The following RAE1 variants were observed in gnomAD, a reference collection of about 807,000 sequenced individuals.
RAE1 encodes ribonucleic acid export 1.
A neutral mutation model predicts 52.7 loss-of-function variants in RAE1; 13 were observed. That is an observed-to-expected ratio of 0.25 (90% confidence interval 0.16 to 0.39). RAE1 has a LOEUF of 0.39. Ranked by LOEUF, RAE1 falls within the 10% of genes least tolerant of loss-of-function variation. The probability of loss-of-function intolerance (pLI) is 1.00; values close to 1 mark genes in which losing one functional copy is unlikely to be tolerated. For missense variants in RAE1, 262 were observed against 459.8 expected, an observed-to-expected ratio of 0.57 and a Z score of 3.93; for synonymous variants, 164 against 153.1, an observed-to-expected ratio of 1.07 and a Z score of -0.52.
At chr20:57,367,290 T>A (rs887894353) in intron 7 of RAE1, among the ~76,000 whole-genome samples, 1 of 152,074 alleles carries the variant, frequency 6.6e-6, no homozygotes, top group Non-Finnish European at 1.5e-5. Flanking sequence ...AAATGCTGGA[T>A]GTCAAGTTTT....
intron 8 of RAE1, chr20:57,371,594 C>T (rs1485486157): frequency 6.6e-6 from 1 of 152,110 alleles, no homozygotes; most frequent in Non-Finnish European, 1.5e-5. Context: ...AACATGGAAC[C>T]CTTGTGCACT....
In RAE1 at chr20:57,354,827, C is replaced by G; in HGVS notation, c.195+11C>G. 1.3e-6 allele frequency: 2 copies of G among 1,548,198 alleles called. No individual in the cohort carries two copies. Among genetic ancestry groups the G allele is most frequent in the Non-Finnish European group, 1.8e-6 (2 of 1,140,376 alleles). ...TCATGGGCTAATGATGTAAGTGCTCCTTAAATACGTGTTCTAGAAATCATC... is the reference window on the plus strand; with the variant it reads ...TCATGGGCTAATGATGTAAGTGCTCGTTAAATACGTGTTCTAGAAATCATC... On this transcript the variant is annotated intron_variant, in intron 3 of 11. Coordinates refer to ENST00000395841, the MANE Select transcript of RAE1 (RefSeq NM_003610.4).
At chr20:57,370,297 C>G (rs906844497) in intron 8 of RAE1, among the ~76,000 whole-genome samples, 1 of 152,236 alleles carries the variant, frequency 6.6e-6, no homozygotes, top group African/African-American at 2.4e-5. Context: ...GACACCCATC[C>G]TCTTACTGGA....
chr20:57,370,390 T>A (rs972389774), intron 8 of RAE1, among the ~76,000 whole-genome samples: 3 of 152,194 alleles, frequency 2.0e-5, no homozygotes, highest in African/African-American at 7.2e-5. Flanking sequence ...CCTCTGTGGC[T>A]CTTCTATCCT....
chr20:57,365,339 T>C lies in RAE1; in HGVS notation c.289-17T>C. The C allele has an allele frequency of 1.3e-6, 2 of 1,578,824 alleles. No individual in the cohort carries two copies. Among genetic ancestry groups the C allele is most frequent in the Non-Finnish European group, 1.7e-6 (2 of 1,153,234 alleles). ...TAATTTTTCTTAAAATGCAAAATTT[T>C]CTCCATTTTATTTTAGGATGGGAGC... On this transcript the variant is annotated splice_polypyrimidine_tract_variant and intron_variant, in intron 4 of 11. Coordinates refer to ENST00000395841, the MANE Select transcript of RAE1 (RefSeq NM_003610.4).
At chr20:57,364,672 T>C (rs970033663) in intron 4 of RAE1, among the ~76,000 whole-genome samples, 3 of 152,226 alleles carry the variant, frequency 2.0e-5, no homozygotes, top group Non-Finnish European at 4.4e-5. Flanking sequence ...GCCACACTCA[T>C]TGACATAATA....
chr20:57,365,668 T>G (rs6099584), intron 5 of RAE1, among the ~76,000 whole-genome samples: 5,766 of 152,308 alleles, frequency 0.038, 147 homozygotes, highest in African/African-American at 0.082. Flanking sequence ...GATCTTCATA[T>G]ATGTATGGAT....
In RAE1 at chr20:57,354,108, G is replaced by C; in HGVS notation, c.70G>C (p.Asp24His). 3 of 1,614,058 alleles carry C rather than the reference G, an allele frequency of 1.9e-6. No individual in the cohort carries two copies. The highest frequency in any genetic ancestry group is 2.5e-6 in the Non-Finnish European group (3 of 1,179,922). The change falls in exon 2 of 12, where the codon GAC (aspartate) becomes CAC (histidine). Residue 24 changes from aspartate (D) to histidine (H), a missense_variant. By Grantham distance (81) the Asp-to-His change is moderately conservative. Transcript: ENST00000395841. ...CAGCATGTTTGGCAGTGCAACTACA[G>C]ACAATCACAATCCCATGAAGGTACC... Reference protein sequence around the residue: ...GTSMFGSATTDNHNPMKDIEV... With the variant: ...GTSMFGSATTHNHNPMKDIEV...
intron 4 of RAE1, among the ~76,000 whole-genome samples, 155 bp downstream of exon 4, chr20:57,356,693 T>C (rs924889496): frequency 1.3e-5 from 2 of 152,288 alleles, no homozygotes; most frequent in Non-Finnish European, 2.9e-5. Context: ...ATGTTCTTAA[T>C]GTTGGCTTTA....
intron 11 of RAE1, among the ~76,000 whole-genome samples, chr20:57,375,984 A>C (rs7362421): frequency 0.04 from 6,086 of 152,304 alleles, 181 homozygotes; most frequent in African/African-American, 0.089. Flanking sequence ...AGGGCTCTAA[A>C]CAGCGCTTTG....
chr20:57,352,350 A>G (rs1201136685), intron 1 of RAE1, among the ~76,000 whole-genome samples: 2 of 152,128 alleles, frequency 1.3e-5, no homozygotes, highest in Non-Finnish European at 2.9e-5. Flanking sequence ...GGAGAAGCAA[A>G]TCATCCCAAG....
chr20:57,366,708 T>C lies in RAE1; in HGVS notation c.376-99T>C, dbSNP rs1029194991. 13 of 1,141,092 alleles carry C rather than the reference T, an allele frequency of 1.1e-5. No individual in the cohort carries two copies. In the South Asian group the frequency reaches 1.7e-4, roughly 15 times the overall value. The allele number at this position is 1,141,092 out of a possible 1,614,324, so 70.7% of individuals were successfully genotyped here. Reference sequence around the variant, plus strand: ...TGGTTTTTGTTTGGTATGGCCCCAGTATTTAAATTAGTTTCTTCCCTTTGA... The same window carrying C: ...TGGTTTTTGTTTGGTATGGCCCCAGCATTTAAATTAGTTTCTTCCCTTTGA... On this transcript the variant is annotated intron_variant, in intron 5 of 11. Coordinates refer to ENST00000395841, the MANE Select transcript of RAE1 (RefSeq NM_003610.4).
intron 4 of RAE1, among the ~76,000 whole-genome samples, chr20:57,360,828 TG>T (rs556209748): frequency 9.1e-4 from 139 of 152,294 alleles, no homozygotes; most frequent in African/African-American, 3.0e-3. Context: ...CTGTTTCCTG[TG>T]GGGGTGTGGT....
rs1189345325 is a variant in RAE1 at position 57,358,996 on chromosome 20, T to C, written c.288+2458T>C. On this transcript the variant is annotated intron_variant, in intron 4 of 11. Coordinates refer to ENST00000395841, the MANE Select transcript of RAE1 (RefSeq NM_003610.4). Reference sequence around the variant, plus strand: ...CCGCCTCTTCACGGATAGATCAATTTCACTGGTTGAAAGTAAGAGACAGCT... The same window carrying C: ...CCGCCTCTTCACGGATAGATCAATTCCACTGGTTGAAAGTAAGAGACAGCT... The C allele has an allele frequency of 1.6e-5, 24 of 1,517,242 alleles. No homozygotes were observed. The Admixed American group carries it at 4.2e-4, about 27-fold the overall frequency. The allele number at this position is 1,517,242 out of a possible 1,614,324, so 94.0% of individuals were successfully genotyped here. A position where few individuals can be genotyped will look rare whatever the true frequency, so the allele number is the denominator to read the frequency against.
In RAE1 at chr20:57,358,797, C is replaced by T. The variant is rs573741694; in HGVS notation, c.288+2259C>T. Reference sequence around the variant, plus strand: ...ATTATTGGGTCGATGTGTAATAACTCACTTAGACTTGTGTGGTCTTAGGTT... The same window carrying T: ...ATTATTGGGTCGATGTGTAATAACTTACTTAGACTTGTGTGGTCTTAGGTT... On this transcript the variant is annotated intron_variant, in intron 4 of 11. Transcript: ENST00000395841. 82 of 434,722 alleles carry T rather than the reference C, an allele frequency of 1.9e-4. No homozygotes were observed. The East Asian group carries it at 2.5e-3, about 13-fold the overall frequency. 26.9% of individuals were successfully genotyped at this position (434,722 alleles called of 1,614,324 possible).
intron 7 of RAE1, 28 bp downstream of exon 7, chr20:57,367,107 T>TCA: frequency 6.7e-7 from 1 of 1,501,024 alleles, no homozygotes; most frequent in South Asian, 1.2e-5. Context: ...AATATGTATT[T>TCA]ACTTTAAAAA....
In RAE1 at chr20:57,374,167, A is replaced by G. The variant is rs1175286761; in HGVS notation, c.825+429A>G. 2.6e-5 allele frequency among the ~76,000 whole-genome samples: 4 copies of G among 152,300 alleles called. No individual in the cohort carries two copies. The East Asian group carries it at 7.7e-4, about 29-fold the overall frequency. The stretch of plus-strand genomic sequence containing the variant: ...AGTGCTGGGATTACAGGCGTGAGCC[A>G]CCGCACTTGGCCTTGTTTTCTGTGT... On this transcript the variant is annotated intron_variant, in intron 10 of 11. Transcript: ENST00000395841.
chr20:57,352,725 TTTAG>T (rs1164409347), intron 1 of RAE1, among the ~76,000 whole-genome samples: 2 of 152,212 alleles, frequency 1.3e-5, no homozygotes, highest in Admixed American at 6.5e-5. Context: ...TGTGGCTTCA[TTTAG>T]TTCTCATAAC....
intron 7 of RAE1, among the ~76,000 whole-genome samples, chr20:57,367,310 C>G (rs549982911): frequency 6.6e-6 from 1 of 152,114 alleles, no homozygotes; most frequent in Non-Finnish European, 1.5e-5. Flanking sequence ...TCCTGCCACT[C>G]GTTTGAACAT....
Sources: gnomAD v4.1 joint callset for allele counts (sites outside exome capture counted in the v4.1 genomes callset) on GRCh38, gnomAD v4.1.1 for gene constraint, MANE v1.5 for transcripts, NCBI Gene and HGNC (gene_info 2026-07-23, HGNC 2026-07-21) for gene names.